SGCZ: variants seen among roughly 807,000 people sequenced by gnomAD.
SGCZ encodes the protein zeta-sarcoglycan.
SGCZ carries 40 observed loss-of-function variants against 41.3 expected under a neutral mutation model. That is an observed-to-expected ratio of 0.97 (90% confidence interval 0.75 to 1.26). SGCZ has a LOEUF of 1.26. Among genes scored for constraint, SGCZ ranks in the 50% most tolerant of loss-of-function variants. SGCZ has a pLI of 0.00. For synonymous variants in SGCZ, 206 were observed against 137.5 expected (o/e 1.50, Z -3.49); for missense variants, 552 against 369.8 (o/e 1.49, Z -4.04).
intron 2 of SGCZ, among the ~76,000 whole-genome samples, chr8:14,499,521 G>T (rs777689111): frequency 9.2e-5 from 14 of 151,588 alleles, no homozygotes; most frequent in Non-Finnish European, 2.1e-4. Flanking sequence ...TTTGTCATTG[G>T]CTCCTTTAAC....
chr8:14,896,770 C>T (rs1805215714), intron 1 of SGCZ, among the ~76,000 whole-genome samples: 1 of 151,810 alleles, frequency 6.6e-6, no homozygotes, highest in South Asian at 2.1e-4. Context: ...GGCCACCACA[C>T]CTGGCTGACT....
chr8:15,147,405 A>C (rs2117010278), intron 1 of SGCZ, among the ~76,000 whole-genome samples: 1 of 152,166 alleles, frequency 6.6e-6, no homozygotes, highest in African/African-American at 2.4e-5. Context: ...CAGCCTCCCG[A>C]GTAACTGGGA....
intron 4 of SGCZ, among the ~76,000 whole-genome samples, chr8:14,180,226 G>A (rs898248245): frequency 3.3e-5 from 5 of 152,090 alleles, no homozygotes; most frequent in Non-Finnish European, 7.4e-5. Context: ...CGAGTTGAAG[G>A]CCTCCTAGCC....
intron 1 of SGCZ, among the ~76,000 whole-genome samples, chr8:14,594,346 T>G (rs1383063190): frequency 6.6e-6 from 1 of 151,900 alleles, no homozygotes; most frequent in Admixed American, 6.6e-5. Flanking sequence ...GTACCTAACC[T>G]TAGGAAACAC....
At chr8:14,621,177 CTA>C (rs1806271799) in intron 1 of SGCZ, among the ~76,000 whole-genome samples, 1 of 150,712 alleles carries the variant, frequency 6.6e-6, no homozygotes, top group South Asian at 2.1e-4. Flanking sequence ...TCTCAGCAAA[CTA>C]TCACAAGGAC....
At chr8:15,048,602 T>C (rs895675830) in intron 1 of SGCZ, among the ~76,000 whole-genome samples, 1 of 152,116 alleles carries the variant, frequency 6.6e-6, no homozygotes, top group Non-Finnish European at 1.5e-5. Context: ...CCCATAGATA[T>C]GTACAATTAT....
chr8:14,391,965 C>A (rs1804791609), intron 2 of SGCZ, among the ~76,000 whole-genome samples: 1 of 152,048 alleles, frequency 6.6e-6, no homozygotes, highest in Non-Finnish European at 1.5e-5. Context: ...GAGATTCACA[C>A]CCATGCTCTC....
intron 5 of SGCZ, among the ~76,000 whole-genome samples, chr8:14,157,349 T>A (rs923566335): frequency 1.9e-3 from 242 of 130,446 alleles, no homozygotes; most frequent in African/African-American, 6.5e-3. Context: ...TGTGTGTGTG[T>A]GTGTGTGTGT....
chr8:14,376,218 G>A (rs1052575657), intron 2 of SGCZ, among the ~76,000 whole-genome samples: 1 of 152,132 alleles, frequency 6.6e-6, no homozygotes, highest in African/African-American at 2.4e-5. Context: ...GGCTGAGGCA[G>A]GAGAATTCCT....
At chr8:14,788,478 G>A (rs891702839) in intron 1 of SGCZ, among the ~76,000 whole-genome samples, 2 of 152,072 alleles carry the variant, frequency 1.3e-5, no homozygotes, top group African/African-American at 4.8e-5. Context: ...ATTTTGTTGG[G>A]GCAGCTATTG....
chr8:14,937,400 C>G (rs1017598023), intron 1 of SGCZ, among the ~76,000 whole-genome samples: 1 of 151,974 alleles, frequency 6.6e-6, no homozygotes, highest in Non-Finnish European at 1.5e-5. Context: ...CCAAAAAGCA[C>G]AGATCCATGT....
Position 14,655,086 on chromosome 8 carries a change from T to A in SGCZ, c.40-100160A>T, listed in dbSNP as rs149134132. Among the ~76,000 whole-genome samples the A allele has an allele frequency of 7.1e-3, 1,083 of 152,218 alleles. 4 individuals carry two copies. The highest frequency in any genetic ancestry group is 0.015 in the South Asian group (73 of 4,832). On this transcript the variant is annotated intron_variant, in intron 1 of 7. Transcript: ENST00000382080. ...TTGGGTTCTTTCAAAAATGTGTAAA[T>A]ATTGTACATTATGAGTAAAGAATCT...
intron 1 of SGCZ, among the ~76,000 whole-genome samples, chr8:14,701,198 A>G (rs1407688399): frequency 2.0e-5 from 3 of 151,970 alleles, no homozygotes; most frequent in Non-Finnish European, 4.4e-5. Flanking sequence ...ATAAATATGT[A>G]TTACTAAAGG....
At chr8:14,453,555 C>T (rs34234255) in intron 2 of SGCZ, among the ~76,000 whole-genome samples, 1 of 152,024 alleles carries the variant, frequency 6.6e-6, no homozygotes, top group African/African-American at 2.4e-5. Context: ...CCCAAATTGT[C>T]AGTCTTCTTA....
At chr8:14,250,822 T>C (rs1178063915) in intron 3 of SGCZ, among the ~76,000 whole-genome samples, 2 of 152,214 alleles carry the variant, frequency 1.3e-5, no homozygotes, top group African/African-American at 4.8e-5. Flanking sequence ...CTGACAACTC[T>C]TCTTCCCTGT....
intron 2 of SGCZ, among the ~76,000 whole-genome samples, chr8:14,490,714 A>C (rs898295916): frequency 2.0e-5 from 3 of 152,256 alleles, no homozygotes; most frequent in African/African-American, 7.2e-5. Context: ...ACACTGATGT[A>C]CATAACAGAA....
At chr8:14,961,673 A>G (rs1025466907) in intron 1 of SGCZ, among the ~76,000 whole-genome samples, 4 of 152,184 alleles carry the variant, frequency 2.6e-5, no homozygotes, top group Non-Finnish European at 5.9e-5. Context: ...GCCATCTACT[A>G]GTGGGTCTTG....
At chr8:14,254,161 T>TAATC (rs1273039382) in intron 3 of SGCZ, among the ~76,000 whole-genome samples, 3 of 152,190 alleles carry the variant, frequency 2.0e-5, no homozygotes, top group African/African-American at 7.2e-5. Context: ...TCGTTGCTTA[T>TAATC]AATCAGCTTG....
At chr8:14,649,459 G>T (rs1460843750) in intron 1 of SGCZ, among the ~76,000 whole-genome samples, 1 of 152,040 alleles carries the variant, frequency 6.6e-6, no homozygotes, top group East Asian at 1.9e-4. Flanking sequence ...CACTGCAGCA[G>T]CCACCCTGGG....
Sources: gnomAD v4.1 joint callset for allele counts (sites outside exome capture counted in the v4.1 genomes callset) on GRCh38, gnomAD v4.1.1 for gene constraint, MANE v1.5 for transcripts, NCBI Gene and HGNC (gene_info 2026-07-23, HGNC 2026-07-21) for gene names.